Variants in SUFU observed in about 807,000 individuals in gnomAD.
The protein encoded by SUFU is SUFU negative regulator of hedgehog signaling, also known as suppressor of fused homolog.
SUFU carries 7 observed loss-of-function variants against 58.9 expected under a neutral mutation model. The observed-to-expected ratio is 0.12, with a 90% CI of 0.07 to 0.22. The LOEUF is 0.22. SUFU is among the 10% of genes least tolerant of loss of function. SUFU has a pLI of 1.00. For synonymous variants in SUFU, 232 were observed against 254.8 expected (o/e 0.91, Z 0.85); for missense variants, 451 against 641.3 (o/e 0.70, Z 3.20).
chr10:102,554,402 TCAAAA>T (rs1185618707), intron 3 of SUFU, among the ~76,000 whole-genome samples: 7 of 152,130 alleles, frequency 4.6e-5, no homozygotes, highest in East Asian at 1.9e-4. Flanking sequence ...AAACTCTGTC[TCAAAA>T]CAAAACAAAG....
chr10:102,572,890 A>G, intron 3 of SUFU: 1 of 821,972 alleles, frequency 1.2e-6, no homozygotes, highest in South Asian at 1.3e-5. Context: ...GAGCTTCTTC[A>G]CAGCCTATTT....
intron 6 of SUFU, 141 bp downstream of exon 6, chr10:102,594,206 G>C: frequency 1.2e-6 from 1 of 830,278 alleles, no homozygotes; most frequent in Non-Finnish European, 2.0e-6. Flanking sequence ...CTTGTCCCCT[G>C]AATTCTGCAG....
At chr10:102,623,799 A>G (rs2063762727) in intron 10 of SUFU, among the ~76,000 whole-genome samples, 2 of 152,114 alleles carry the variant, frequency 1.3e-5, no homozygotes, top group South Asian at 4.1e-4. Context: ...AATTAGCCGG[A>G]CATGGTGATG....
intron 3 of SUFU, among the ~76,000 whole-genome samples, chr10:102,585,888 CTTT>C (rs34024871): frequency 5.2e-5 from 7 of 135,032 alleles, no homozygotes; most frequent in Non-Finnish European, 7.8e-5. Context: ...ATTTGTATAT[CTTT>C]TTTTTTTTTT....
Position 102,579,920 on chromosome 10 carries a change from A to G in SUFU, c.455-12662A>G, listed in dbSNP as rs1405633030. 19 of 931,406 alleles carry G rather than the reference A, an allele frequency of 2.0e-5. No homozygotes were observed. In the Admixed American group the frequency reaches 6.8e-4, roughly 33 times the overall value. 57.7% of individuals were successfully genotyped at this position (931,406 alleles called of 1,614,324 possible). A position where few individuals can be genotyped will look rare whatever the true frequency, so the allele number is the denominator to read the frequency against. ...CATGACCAAGTTGGGAAACTCTACAACTGGTCACCATCTGCGCCATTTGAC... is the reference window on the plus strand; with the variant it reads ...CATGACCAAGTTGGGAAACTCTACAGCTGGTCACCATCTGCGCCATTTGAC... On this transcript the variant is annotated intron_variant, in intron 3 of 11. Transcript: ENST00000369902.
intron 7 of SUFU, among the ~76,000 whole-genome samples, chr10:102,597,869 G>A (rs2063479132): frequency 1.3e-5 from 2 of 152,246 alleles, no homozygotes; most frequent in African/African-American, 4.8e-5. Context: ...GGATGTGGCT[G>A]TCCTGTTGGA....
At chr10:102,579,959 C>G in intron 3 of SUFU, 2 of 706,066 alleles carry the variant, frequency 2.8e-6, no homozygotes, top group Non-Finnish European at 3.5e-6. Context: ...CTATGAAGAA[C>G]TTTACCTTCT....
In SUFU at chr10:102,619,560, G is replaced by C. The variant is rs900054492; in HGVS notation, c.1296+2132G>C. ...GGCTGGCGGAGGCCCCACACCCCAA[G>C]CACCCACCCTTGATCACCGAGGGGT... On this transcript the variant is annotated intron_variant, in intron 10 of 11. Transcript: ENST00000369902. This position sits in a 1 kb window ranked among gnomAD's most constrained non-coding sequence, Gnocchi z 4.2. 4 of 1,017,314 alleles carry C rather than the reference G, an allele frequency of 3.9e-6. No individual in the cohort carries two copies. The Admixed American group carries it at 1.5e-4, about 38-fold the overall frequency. 63.0% of individuals were successfully genotyped at this position (1,017,314 alleles called of 1,614,324 possible).
intron 6 of SUFU, among the ~76,000 whole-genome samples, chr10:102,596,709 A>C (rs1260279328): frequency 6.6e-6 from 1 of 152,160 alleles, no homozygotes; most frequent in Admixed American, 6.5e-5. Flanking sequence ...TTTCTATAGC[A>C]GTGACTGGGA....
chr10:102,599,456 C>T lies in SUFU; in HGVS notation c.934C>T (p.Leu312=). 1 of 1,614,122 alleles carries T rather than the reference C, an allele frequency of 6.2e-7. No individual in the cohort carries two copies. Among genetic ancestry groups the T allele is most frequent in the Non-Finnish European group, 8.5e-7 (1 of 1,180,018 alleles). The change falls in exon 8 of 12, where the codon CTG becomes TTG. Residue 312 remains leucine (L), a synonymous_variant. Transcript: ENST00000369902. ...GKDTEQIRET[L]RRGLEINSKP... is the part of the protein sequence containing the mutation. Reference sequence around the variant, plus strand: ...AGACACAGAGCAGATCCGGGAGACCCTGAGGAGAGGACTCGAGATCAACAG... The same window carrying T: ...AGACACAGAGCAGATCCGGGAGACCTTGAGGAGAGGACTCGAGATCAACAG...
chr10:102,525,743 A>T (rs142926637), intron 2 of SUFU, among the ~76,000 whole-genome samples: 1 of 152,038 alleles, frequency 6.6e-6, no homozygotes, highest in Non-Finnish European at 1.5e-5. Flanking sequence ...ACCTCAGGTG[A>T]TCCACCTGCC....
intron 3 of SUFU, among the ~76,000 whole-genome samples, 172 bp downstream of exon 3, chr10:102,550,278 C>T (rs1176450841): frequency 1.3e-5 from 2 of 152,134 alleles, no homozygotes; most frequent in East Asian, 3.8e-4. Flanking sequence ...GTTGGAAAAC[C>T]AACTGGGCCA....
upstream of SUFU, chr10:102,503,909 T>C: frequency 2.0e-6 from 1 of 489,238 alleles, no homozygotes; most frequent in Non-Finnish European, 3.6e-6. Flanking sequence ...AATGGGTGCT[T>C]GGATAGGGTG....
chr10:102,590,135 CTTTTTCTTTTTTTTTTTCT>C (rs1345831094), intron 3 of SUFU, among the ~76,000 whole-genome samples: 2 of 127,896 alleles, frequency 1.6e-5, no homozygotes, highest in African/African-American at 2.9e-5. Flanking sequence ...TCCCCCCCGA[CTTTTTCTTTTTTTTTTTCT>C]TTTTTCTTTT....
intron 2 of SUFU, among the ~76,000 whole-genome samples, chr10:102,518,583 C>A (rs1201691300): frequency 6.7e-6 from 1 of 148,360 alleles, no homozygotes; most frequent in Non-Finnish European, 1.5e-5. Context: ...GCCTGGCCCT[C>A]TCGCCCAGGC....
intron 8 of SUFU, among the ~76,000 whole-genome samples, chr10:102,600,928 C>T (rs1325059859): frequency 6.6e-6 from 1 of 152,208 alleles, no homozygotes; most frequent in African/African-American, 2.4e-5. Flanking sequence ...TGATCATCCC[C>T]TGGCAGCAGC....
chr10:102,630,480 G>A lies in SUFU; in HGVS notation c.*325G>A. 6.5e-6 allele frequency: 3 copies of A among 462,894 alleles called. No homozygotes were observed. Among genetic ancestry groups the A allele is most frequent in the Non-Finnish European group, 8.0e-6 (2 of 248,602 alleles). 28.7% of individuals were successfully genotyped at this position (462,894 alleles called of 1,614,324 possible). ...CTGGACCCTGGCTGTGCCCCTAGGTGGAGACAGCCCTCTTTCTCACCTACC... is the reference window on the plus strand; with the variant it reads ...CTGGACCCTGGCTGTGCCCCTAGGTAGAGACAGCCCTCTTTCTCACCTACC... On this transcript the variant is annotated 3_prime_UTR_variant, in exon 12 of 12. Transcript: ENST00000369902.
intron 2 of SUFU, among the ~76,000 whole-genome samples, chr10:102,530,493 T>G (rs1388192678): frequency 1.4e-5 from 2 of 147,748 alleles, no homozygotes; most frequent in Non-Finnish European, 3.0e-5. Context: ...CTCACTCTGT[T>G]GCCCAGCCTG....
chr10:102,615,510 G>A (rs540862869), intron 9 of SUFU, 108 bp downstream of exon 9: 45 of 1,545,680 alleles, frequency 2.9e-5, no homozygotes, highest in Middle Eastern at 1.9e-4. Context: ...CGTCCTCCAG[G>A]GCCTCCAAGG....
Sources: gnomAD v4.1 joint callset for allele counts (sites outside exome capture counted in the v4.1 genomes callset) on GRCh38, gnomAD v4.1.1 for gene constraint, Gnocchi (gnomAD v3.1) non-coding constraint, MANE v1.5 for transcripts, NCBI Gene and HGNC (gene_info 2026-07-23, HGNC 2026-07-21) for gene names.